The following KCNG3 variants were observed in gnomAD, a reference collection of about 807,000 sequenced individuals.
KCNG3 encodes potassium voltage-gated channel modifier subfamily G member 3.
A neutral mutation model predicts 29.0 loss-of-function variants in KCNG3; 15 were observed. The observed-to-expected ratio is 0.52, with a 90% CI of 0.35 to 0.80. The LOEUF (loss-of-function observed/expected upper bound fraction) is 0.80, where lower values mean the gene tolerates loss of function less well. Among genes scored for constraint, KCNG3 ranks in the 30% least tolerant of loss-of-function variants. The probability of loss-of-function intolerance (pLI) is 0.01; values close to 1 mark genes in which losing one functional copy is unlikely to be tolerated. For synonymous variants in KCNG3, 322 were observed against 248.9 expected (o/e 1.29, Z -2.76); for missense variants, 512 against 605.7 (o/e 0.85, Z 1.62).
intron 1 of KCNG3, among the ~76,000 whole-genome samples, chr2:42,461,652 C>G (rs1673020753): frequency 6.6e-6 from 1 of 152,178 alleles, no homozygotes; most frequent in Non-Finnish European, 1.5e-5. Context: ...GTGCCACAAT[C>G]CCTTTCTGCA....
At chr2:42,420,256 TAA>T in the KCNG3 span, among the ~76,000 whole-genome samples, 4 of 151,894 alleles carry the variant, frequency 2.6e-5, no homozygotes, top group African/African-American at 4.8e-5. Context: ...AAAAATAAAA[TAA>T]AAGAGGACTC....
chr2:42,466,366 C>T (rs982549051), intron 1 of KCNG3, among the ~76,000 whole-genome samples: 1 of 152,122 alleles, frequency 6.6e-6, no homozygotes, highest in Non-Finnish European at 1.5e-5. Context: ...AGATCATGTG[C>T]CACTGCACTC....
chr2:42,491,810 T>C (rs1037954487), intron 1 of KCNG3, among the ~76,000 whole-genome samples: 1 of 152,248 alleles, frequency 6.6e-6, no homozygotes, highest in Admixed American at 6.5e-5. Flanking sequence ...GTTCCGAACA[T>C]GTACATGCCT....
At chr2:42,447,445 G>A (rs1672628543) in intron 1 of KCNG3, among the ~76,000 whole-genome samples, 1 of 151,900 alleles carries the variant, frequency 6.6e-6, no homozygotes, top group Non-Finnish European at 1.5e-5. Context: ...TGGTGACACA[G>A]TGTTCCACTG....
At chr2:42,399,685 T>C in the KCNG3 span, among the ~76,000 whole-genome samples, 1 of 152,012 alleles carries the variant, frequency 6.6e-6, no homozygotes, top group East Asian at 1.9e-4. Context: ...GAGAAATTTC[T>C]GAAGAGATTT....
At chr2:42,388,640 T>C in the KCNG3 span, 1 of 152,216 alleles carries the variant, frequency 6.6e-6, no homozygotes, top group African/African-American at 2.4e-5. Context: ...TTGTCTCTTC[T>C]TGTGAGGCCA....
At chr2:42,488,153 G>A (rs1327147869) in intron 1 of KCNG3, among the ~76,000 whole-genome samples, 1 of 152,142 alleles carries the variant, frequency 6.6e-6, no homozygotes, top group African/African-American at 2.4e-5. Context: ...TTTAGATTTT[G>A]AACCGTTTTT....
At chr2:42,482,458 C>G (rs1246085681) in intron 1 of KCNG3, among the ~76,000 whole-genome samples, 2 of 152,204 alleles carry the variant, frequency 1.3e-5, no homozygotes, top group African/African-American at 4.8e-5. Flanking sequence ...GACGCAGTGG[C>G]TCACACCTGT....
At chr2:42,487,062 C>G (rs1421315748) in intron 1 of KCNG3, among the ~76,000 whole-genome samples, 1 of 147,208 alleles carries the variant, frequency 6.8e-6, no homozygotes, top group Non-Finnish European at 1.5e-5. Context: ...GAGGCTGAGA[C>G]AGAAGAATCG....
chr2:42,420,228 T>C, the KCNG3 span, among the ~76,000 whole-genome samples: 14 of 151,766 alleles, frequency 9.2e-5, no homozygotes, highest in Non-Finnish European at 1.9e-4. Flanking sequence ...CGAAACTCCG[T>C]CTCAAAAAAT....
intron 1 of KCNG3, among the ~76,000 whole-genome samples, chr2:42,486,775 G>T (rs1282658383): frequency 3.3e-5 from 5 of 152,206 alleles, no homozygotes; most frequent in Admixed American, 1.3e-4. Context: ...CATGACAGCA[G>T]GAACCCTTTG....
chr2:42,455,351 T>A (rs1427346578), intron 1 of KCNG3, among the ~76,000 whole-genome samples: 1 of 152,236 alleles, frequency 6.6e-6, no homozygotes, highest in Non-Finnish European at 1.5e-5. Context: ...TAATTAATTT[T>A]TGACTTACAT....
chr2:42,423,190 CTCTT>C, the KCNG3 span, among the ~76,000 whole-genome samples: 3 of 152,144 alleles, frequency 2.0e-5, no homozygotes, highest in Admixed American at 1.3e-4. Flanking sequence ...AAAAGCTGCT[CTCTT>C]TCTATCTCTC....
chr2:42,407,037 A>C, the KCNG3 span, among the ~76,000 whole-genome samples: 1 of 152,106 alleles, frequency 6.6e-6, no homozygotes, highest in South Asian at 2.1e-4. Flanking sequence ...AAAAAAACAA[A>C]ACACAAAACA....
chr2:42,408,850 G>A, the KCNG3 span, among the ~76,000 whole-genome samples: 7 of 152,172 alleles, frequency 4.6e-5, no homozygotes, highest in East Asian at 1.9e-4. Flanking sequence ...AGTCCTTTGC[G>A]GAGCCCAAAA....
chr2:42,469,609 C>T (rs999841808), intron 1 of KCNG3, among the ~76,000 whole-genome samples: 2 of 151,794 alleles, frequency 1.3e-5, no homozygotes, highest in Non-Finnish European at 2.9e-5. Context: ...GGACTAAAGA[C>T]TCAATTTGAA....
chr2:42,464,657 T>C (rs147245952), intron 1 of KCNG3, among the ~76,000 whole-genome samples: 3 of 152,330 alleles, frequency 2.0e-5, no homozygotes, highest in African/African-American at 7.2e-5. Flanking sequence ...CCCAGTCTTC[T>C]CACGCCTCTT....
At chr2:42,469,875 G>A (rs1673242689) in intron 1 of KCNG3, 1 of 261,734 alleles carries the variant, frequency 3.8e-6, no homozygotes, top group Non-Finnish European at 7.1e-6. Flanking sequence ...CCCTAACAGT[G>A]CAGCATCACC....
chr2:42,433,364 G>A, the KCNG3 span, among the ~76,000 whole-genome samples: 1 of 152,180 alleles, frequency 6.6e-6, no homozygotes, highest in Admixed American at 6.5e-5. Flanking sequence ...GTGTGTCTGT[G>A]AGGGTGTTTC....
Sources: gnomAD v4.1 joint callset for allele counts (sites outside exome capture counted in the v4.1 genomes callset) on GRCh38, gnomAD v4.1.1 for gene constraint, MANE v1.5 for transcripts, NCBI Gene and HGNC (gene_info 2026-07-23, HGNC 2026-07-21) for gene names.